The following MACROD1 variants were observed in gnomAD, a reference collection of about 807,000 sequenced individuals.
The protein encoded by MACROD1 is mono-ADP ribosylhydrolase 1, also known as ADP-ribose glycohydrolase MACROD1.
Under a neutral mutation model 41.4 loss-of-function variants are expected in MACROD1, and 31 were observed. That is an observed-to-expected ratio of 0.75 (90% CI 0.56 to 1.01). The LOEUF (loss-of-function observed/expected upper bound fraction) is 1.01. MACROD1 is among the 50% of genes least tolerant of loss of function. MACROD1 has a pLI of 0.00. For missense variants in MACROD1, 473 were observed against 460.0 expected, an observed-to-expected ratio of 1.03 and a Z score of -0.26; for synonymous variants, 252 against 203.4, an observed-to-expected ratio of 1.24 and a Z score of -2.03.
At chr11:64,116,071 G>C in intron 3 of MACROD1, 2 of 745,394 alleles carry the variant, frequency 2.7e-6, no homozygotes, top group Non-Finnish European at 2.1e-6. Flanking sequence ...TGGCACAAAG[G>C]CCACTCCTCC....
intron 3 of MACROD1, among the ~76,000 whole-genome samples, chr11:64,105,462 G>A (rs1179015221): frequency 6.6e-6 from 1 of 152,224 alleles, no homozygotes; most frequent in Non-Finnish European, 1.5e-5. Flanking sequence ...CCTTGGACAG[G>A]TCTGCCCCTC....
chr11:64,143,508 A>G (rs12418535), intron 3 of MACROD1, among the ~76,000 whole-genome samples: 45,048 of 151,908 alleles, frequency 0.3, 7,259 homozygotes, highest in Admixed American at 0.38. Context: ...GACACAGGAT[A>G]CCGGGCAGGC....
At chr11:64,125,704 T>G (rs1240716977) in intron 3 of MACROD1, among the ~76,000 whole-genome samples, 1 of 152,204 alleles carries the variant, frequency 6.6e-6, no homozygotes, top group Non-Finnish European at 1.5e-5. Context: ...AGAGATCCGG[T>G]GGCTGCCCCA....
chr11:64,097,735 C>T (rs936545971), intron 3 of MACROD1, among the ~76,000 whole-genome samples: 3 of 152,182 alleles, frequency 2.0e-5, no homozygotes, highest in African/African-American at 7.2e-5. Context: ...AGCCTGGGGG[C>T]CCGGAGCGAG....
At chr11:64,137,896 T>G (rs1012076011) in intron 3 of MACROD1, among the ~76,000 whole-genome samples, 1 of 152,240 alleles carries the variant, frequency 6.6e-6, no homozygotes, top group Non-Finnish European at 1.5e-5. Context: ...CCTGTTTTAA[T>G]GGTTCTCAAT....
chr11:64,010,587 GGGTGTTGGCTGCCATGTTGCTTGA>G (rs1942994189), intron 4 of MACROD1, among the ~76,000 whole-genome samples: 3 of 150,120 alleles, frequency 2.0e-5, no homozygotes, highest in South Asian at 2.1e-4. Flanking sequence ...ATGTTGATTG[GGGTGTTGGCTGCCATGTTGCTTGA>G]GGTGTTGGCT....
At chr11:64,057,938 C>T (rs537056534) in intron 3 of MACROD1, among the ~76,000 whole-genome samples, 1 of 152,338 alleles carries the variant, frequency 6.6e-6, no homozygotes, top group East Asian at 1.9e-4. Context: ...TTCCACTGTG[C>T]CACCCCTGGG....
intron 3 of MACROD1, among the ~76,000 whole-genome samples, chr11:64,068,304 C>T (rs545858272): frequency 1.5e-4 from 23 of 152,336 alleles, no homozygotes; most frequent in African/African-American, 3.4e-4. Flanking sequence ...ACCCAGCACC[C>T]GCCTGTCCCA....
chr11:64,022,383 G>A (rs1256441244), intron 3 of MACROD1, among the ~76,000 whole-genome samples: 5 of 152,014 alleles, frequency 3.3e-5, no homozygotes, highest in Non-Finnish European at 7.4e-5. Context: ...TCAGATCCCC[G>A]CCATCAGCAC....
intron 3 of MACROD1, among the ~76,000 whole-genome samples, chr11:64,034,354 TTTTC>T (rs1565202385): frequency 6.6e-6 from 1 of 152,220 alleles, no homozygotes; most frequent in Non-Finnish European, 1.5e-5. Flanking sequence ...TGTGGGTGAT[TTTTC>T]TTTCTTTTAT....
Position 64,114,298 on chromosome 11 carries a change from G to T in MACROD1, c.517+36941C>A, listed in dbSNP as rs61724920. Reference sequence around the variant, plus strand: ...TGGATGGATGGACAGGTGGATGCATGGATTGATACATGGATGACGGATGGA... The same window carrying T: ...TGGATGGATGGACAGGTGGATGCATTGATTGATACATGGATGACGGATGGA... On this transcript the variant is annotated intron_variant, in intron 3 of 10. Transcript: ENST00000255681. Among the ~76,000 whole-genome samples, 489 of 150,890 alleles carry T rather than the reference G, an allele frequency of 3.2e-3. 2 individuals are homozygous for T. The highest frequency in any genetic ancestry group is 0.016 in the East Asian group (82 of 5,028).
chr11:64,087,986 G>C (rs1445320926), intron 3 of MACROD1, among the ~76,000 whole-genome samples: 1 of 152,190 alleles, frequency 6.6e-6, no homozygotes, highest in Admixed American at 6.5e-5. Flanking sequence ...GAGCTGGGAG[G>C]GCCTCGAGAG....
At chr11:64,126,458 G>A (rs1945183042) in intron 3 of MACROD1, among the ~76,000 whole-genome samples, 1 of 152,164 alleles carries the variant, frequency 6.6e-6, no homozygotes, top group Non-Finnish European at 1.5e-5. Flanking sequence ...TGAACAGGGA[G>A]GCCAAAGATG....
intron 4 of MACROD1, among the ~76,000 whole-genome samples, chr11:64,005,175 G>A (rs951674869): frequency 1.3e-5 from 2 of 152,140 alleles, no homozygotes; most frequent in African/African-American, 2.4e-5. Context: ...GATTACAGGC[G>A]TGTGCCATGA....
At chr11:64,000,184 G>A in intron 5 of MACROD1, 43 bp downstream of exon 5, 3 of 1,513,902 alleles carry the variant, frequency 2.0e-6, no homozygotes, top group South Asian at 1.2e-5. Context: ...ACACACGGGC[G>A]CCCTGTCTGC....
chr11:64,052,663 A>C (rs1009089855), intron 3 of MACROD1, among the ~76,000 whole-genome samples: 3 of 152,228 alleles, frequency 2.0e-5, no homozygotes, highest in Admixed American at 2.0e-4. Flanking sequence ...TGACCTGGGC[A>C]TCCCTGATAG....
chr11:64,000,199 C>G (rs750651764), intron 5 of MACROD1, 28 bp downstream of exon 5: 10 of 1,587,158 alleles, frequency 6.3e-6, no homozygotes, highest in Non-Finnish European at 8.6e-6. Context: ...GTCTGCGCCC[C>G]ACAGCTGGGG....
chr11:64,056,752 C>T (rs181728477), intron 3 of MACROD1, among the ~76,000 whole-genome samples: 2 of 152,256 alleles, frequency 1.3e-5, no homozygotes, highest in African/African-American at 4.8e-5. Flanking sequence ...CCTGGGGACC[C>T]CTTGGTGTGG....
chr11:64,116,550 A>T, intron 3 of MACROD1: 1 of 1,613,956 alleles, frequency 6.2e-7, no homozygotes, highest in Non-Finnish European at 8.5e-7. Context: ...CCAGATCAAC[A>T]ACGCCGGCAT....
Sources: gnomAD v4.1 joint callset for allele counts (sites outside exome capture counted in the v4.1 genomes callset) on GRCh38, gnomAD v4.1.1 for gene constraint, MANE v1.5 for transcripts, NCBI Gene and HGNC (gene_info 2026-07-23, HGNC 2026-07-21) for gene names.